The following GSS variants were observed in gnomAD, a reference collection of about 807,000 sequenced individuals.
The protein encoded by GSS is glutathione synthetase.
A neutral mutation model predicts 60.4 loss-of-function variants in GSS; 34 were observed. That is an observed-to-expected ratio of 0.56 (90% CI 0.43 to 0.75). The LOEUF is 0.75. Among genes scored for constraint, GSS ranks in the 30% least tolerant of loss-of-function variants. GSS has a pLI of 0.00. For synonymous variants in GSS, 224 were observed against 239.0 expected (o/e 0.94, Z 0.58); for missense variants, 499 against 595.1 (o/e 0.84, Z 1.68).
intron 1 of GSS, 187 bp from the exon 2 acceptor site, chr20:34,952,047 A>G: frequency 1.6e-6 from 1 of 639,308 alleles, no homozygotes. Context: ...CAAAATAGAA[A>G]GCTTGACAAA....
chr20:34,954,871 C>T (rs543414818), intron 1 of GSS: 1 of 153,840 alleles, frequency 6.5e-6, no homozygotes, highest in East Asian at 1.9e-4. Flanking sequence ...CTCCCCAAAT[C>T]CTATGGATTT....
Position 34,941,842 on chromosome 20 carries a change from A to T in GSS, c.492-13T>A. The T allele has an allele frequency of 6.9e-7, 1 of 1,450,490 alleles. No individual in the cohort carries two copies. The highest frequency in any genetic ancestry group is 9.7e-7 in the Non-Finnish European group (1 of 1,032,298). The allele number at this position is 1,450,490 out of a possible 1,614,324, so 89.9% of individuals were successfully genotyped here. On this transcript the variant is annotated splice_polypyrimidine_tract_variant and intron_variant, in intron 5 of 12. Coordinates refer to ENST00000651619, the MANE Select transcript of GSS (RefSeq NM_000178.4). ...ACTGAGAACATGTCTGTTGGAAGAG[A>T]GATGGCTGTTCAGTAATTGGATGGA...
At chr20:34,941,957 T>C (rs1224635933) in intron 5 of GSS, 128 bp from the exon 6 acceptor site, 8 of 738,522 alleles carry the variant, frequency 1.1e-5, no homozygotes, top group African/African-American at 3.4e-5. Context: ...TCCCATCACA[T>C]TCCTGTAAGA....
intron 1 of GSS, among the ~76,000 whole-genome samples, chr20:34,953,777 G>A (rs1194592760): frequency 1.3e-5 from 2 of 151,788 alleles, no homozygotes; most frequent in Non-Finnish European, 1.5e-5. Context: ...CACCATGCCC[G>A]GCTAATTTTT....
intron 5 of GSS, among the ~76,000 whole-genome samples, 196 bp from the exon 6 acceptor site, chr20:34,942,025 C>G (rs1475329255): frequency 1.3e-5 from 2 of 152,136 alleles, no homozygotes; most frequent in South Asian, 4.1e-4. Context: ...GTGTATATGC[C>G]TGGAGGAGAC....
chr20:34,939,901 C>G (rs982146139), intron 6 of GSS, among the ~76,000 whole-genome samples: 9 of 152,022 alleles, frequency 5.9e-5, no homozygotes, highest in African/African-American at 1.7e-4. Flanking sequence ...AACTCCTGAC[C>G]TCTGATGATC....
At chr20:34,942,754 A>G in intron 4 of GSS, 127 bp from the exon 5 acceptor site, 1 of 1,024,820 alleles carries the variant, frequency 9.8e-7, no homozygotes, top group African/African-American at 1.6e-5. Flanking sequence ...TCCCAAGCCC[A>G]GTGGAATCAT....
intron 11 of GSS, among the ~76,000 whole-genome samples, chr20:34,929,941 C>T (rs771542971): frequency 6.6e-5 from 10 of 152,140 alleles, no homozygotes; most frequent in Non-Finnish European, 1.2e-4. Flanking sequence ...GGAGATCTCT[C>T]CTATTCCTGA....
intron 6 of GSS, among the ~76,000 whole-genome samples, chr20:34,939,486 C>A (rs1185514734): frequency 6.6e-6 from 1 of 152,098 alleles, no homozygotes; most frequent in Non-Finnish European, 1.5e-5. Flanking sequence ...GGAACCATAT[C>A]TCTTAAAGGC....
chr20:34,932,246 A>G, intron 9 of GSS, 113 bp from the exon 10 acceptor site: 1 of 817,948 alleles, frequency 1.2e-6, no homozygotes, highest in East Asian at 2.5e-5. Flanking sequence ...CACCCTCATT[A>G]TCACCCAGGA....
In GSS at chr20:34,936,681, GAAGA is replaced by G. The variant is rs1410477862; in HGVS notation, c.767+78_767+81del. Reference sequence around the variant, plus strand: ...AGGAAGCAAGCCATCACATCTCCCAGAAGAAAGAATCATTTTGGGGAAGAGGGTG... The same window carrying G: ...AGGAAGCAAGCCATCACATCTCCCAGAAGAATCATTTTGGGGAAGAGGGTG... On this transcript the variant is annotated intron_variant, in intron 8 of 12. Coordinates refer to ENST00000651619, the MANE Select transcript of GSS (RefSeq NM_000178.4). 7 of 1,000,442 alleles carry G rather than the reference GAAGA, an allele frequency of 7.0e-6. 1 individual carries two copies. The highest frequency in any genetic ancestry group is 1.1e-5 in the Non-Finnish European group (7 of 619,406). The allele number at this position is 1,000,442 out of a possible 1,614,324, so 62.0% of individuals were successfully genotyped here. A position where few individuals can be genotyped will look rare whatever the true frequency, so the allele number is the denominator to read the frequency against.
At chr20:34,946,201 G>C in intron 2 of GSS, 103 bp from the exon 3 acceptor site, 1 of 932,718 alleles carries the variant, frequency 1.1e-6, no homozygotes, top group Admixed American at 2.0e-5. Context: ...ATTTACTGAG[G>C]ACACACCAAC....
intron 2 of GSS, among the ~76,000 whole-genome samples, chr20:34,951,149 T>G (rs762297854): frequency 6.6e-6 from 1 of 152,214 alleles, no homozygotes; most frequent in Non-Finnish European, 1.5e-5. Flanking sequence ...CACCCACATC[T>G]GGAATACTAT....
At chr20:34,933,360 A>C (rs2081417236) in intron 9 of GSS, among the ~76,000 whole-genome samples, 1 of 152,082 alleles carries the variant, frequency 6.6e-6, no homozygotes, top group African/African-American at 2.4e-5. Context: ...GACAAGTGAG[A>C]CTCAATAGGG....
intron 2 of GSS, among the ~76,000 whole-genome samples, chr20:34,948,553 A>C (rs962484610): frequency 1.6e-4 from 24 of 152,210 alleles, no homozygotes; most frequent in African/African-American, 5.5e-4. Flanking sequence ...TGGGAGGCCG[A>C]GGCGGGCAGA....
At position 34,951,841 on chromosome 20, in the gene GSS, G is replaced by A. The variant is rs928944658; in HGVS notation, c.12C>T (p.Asn4=). 3.7e-6 allele frequency: 6 copies of A among 1,614,036 alleles called. No homozygotes were observed. The highest frequency in any genetic ancestry group is 5.1e-6 in the Non-Finnish European group (6 of 1,180,028). MAT[N]WGSLLQDKQQ... ...GTTTATCCTGCAAGAGGCTCCCCCA[G>A]TTGGTGGCCATCCCAACACCTGCAA... Residue 4 remains asparagine, a synonymous_variant, in exon 2 of 13, where the codon AAC becomes AAT. Transcript: ENST00000651619.
chr20:34,947,452 G>C (rs1026775287), intron 2 of GSS, among the ~76,000 whole-genome samples: 5 of 152,108 alleles, frequency 3.3e-5, no homozygotes, highest in Non-Finnish European at 5.9e-5. Context: ...AGAGACATAA[G>C]AATATATAGT....
chr20:34,936,726 TA>T, intron 8 of GSS, 36 bp downstream of exon 8: 2 of 1,446,694 alleles, frequency 1.4e-6, no homozygotes, highest in Non-Finnish European at 1.9e-6. Context: ...ATGAGTTTCA[TA>T]AACCAGCCTT....
intron 1 of GSS, chr20:34,955,167 T>C (rs2081611651): frequency 1.3e-5 from 2 of 152,242 alleles, no homozygotes; most frequent in Non-Finnish European, 2.9e-5. Context: ...GCCCATCACT[T>C]TTCCCTGTAC....
Sources: allele counts gnomAD v4.1 joint callset (sites outside exome capture counted in the v4.1 genomes callset), GRCh38; gene constraint gnomAD v4.1.1; transcripts MANE v1.5; gene names NCBI Gene and HGNC (gene_info 2026-07-23, HGNC 2026-07-21).